Variants in CCDC183 observed in about 807,000 individuals in gnomAD.
CCDC183 encodes the protein coiled-coil domain containing 183.
Under a neutral mutation model 65.2 loss-of-function variants are expected in CCDC183, and 63 were observed. The observed-to-expected ratio is 0.97, with a 90% CI of 0.79 to 1.19. The LOEUF is 1.19. Ranked by LOEUF, CCDC183 falls within the 50% of genes most tolerant of loss-of-function variation. The pLI, the probability that CCDC183 is intolerant of heterozygous loss-of-function variation, is 0.00. For missense variants in CCDC183, 769 were observed against 689.3 expected, an observed-to-expected ratio of 1.12 and a Z score of -1.30; for synonymous variants, 323 against 276.5, an observed-to-expected ratio of 1.17 and a Z score of -1.67.
chr9:136,805,399 C>G lies in CCDC183; in HGVS notation c.890C>G (p.Ser297Trp). Reference protein sequence around the residue: ...ETSTAEMEYQSGVTAVVEKVK... With the variant: ...ETSTAEMEYQWGVTAVVEKVK... Reference sequence around the variant, plus strand: ...TCCACAGCAGAAATGGAATACCAGTCGGGCGTGACTGCTGTGGTGGAGAAG... The same window carrying G: ...TCCACAGCAGAAATGGAATACCAGTGGGGCGTGACTGCTGTGGTGGAGAAG... The change falls in exon 9 of 14, where the codon TCG becomes TGG. Residue 297 changes from serine (S) to tryptophan (W), a missense_variant. Transcript: ENST00000338005. 6.2e-7 allele frequency: 1 copy of G among 1,613,986 alleles called. No homozygotes were observed. The highest frequency in any genetic ancestry group is 8.5e-7 in the Non-Finnish European group (1 of 1,179,968).
At chr9:136,802,595 G>T (rs896258993) in intron 5 of CCDC183, 69 bp from the exon 6 acceptor site, 1 of 1,538,640 alleles carries the variant, frequency 6.5e-7, no homozygotes, top group Non-Finnish European at 8.7e-7. Context: ...GCTCTTAGTC[G>T]GGGGATAAAA....
intron 5 of CCDC183, among the ~76,000 whole-genome samples, 197 bp from the exon 6 acceptor site, chr9:136,802,467 G>A (rs1423037413): frequency 6.6e-6 from 1 of 152,214 alleles, no homozygotes; most frequent in Non-Finnish European, 1.5e-5. Flanking sequence ...GGTGGTGAAA[G>A]AGTCCACCAG....
At chr9:136,805,977 C>T in intron 9 of CCDC183, 101 bp from the exon 10 acceptor site, 1 of 906,872 alleles carries the variant, frequency 1.1e-6, no homozygotes, top group Non-Finnish European at 1.6e-6. Context: ...AGAGAAAGTG[C>T]ACTAGCGTCT....
At chr9:136,799,439 C>A in intron 2 of CCDC183, 1 of 825,106 alleles carries the variant, frequency 1.2e-6, no homozygotes, top group Non-Finnish European at 1.8e-6. Flanking sequence ...GAGGGCTTGG[C>A]ATCTGTGAGC....
intron 5 of CCDC183, 124 bp downstream of exon 5, chr9:136,800,617 C>A (rs759741670): frequency 1.5e-6 from 1 of 671,270 alleles, no homozygotes; most frequent in African/African-American, 1.8e-5. Flanking sequence ...CCACCGGCTA[C>A]GCAGGACGCC....
chr9:136,803,905 G>A (rs1029805611), intron 6 of CCDC183: 12 of 155,494 alleles, frequency 7.7e-5, no homozygotes, highest in Admixed American at 7.7e-4. Flanking sequence ...AGGAGGTGGA[G>A]GAAAGATGTG....
Position 136,800,157 on chromosome 9 carries a change from G to C in CCDC183, c.426G>C (p.Leu142=), listed in dbSNP as rs983896333. Residue 142 remains leucine, a synonymous_variant, in exon 4 of 14, where the codon CTG becomes CTC. Transcript: ENST00000338005. ...RSQPDASKEE[L]RLLQIIRQLE... Reference sequence around the variant, plus strand: ...AGCCCGACGCCAGCAAGGAGGAGCTGCGGCTGCTGCAGGTGGAGAGGCGGG... The same window carrying C: ...AGCCCGACGCCAGCAAGGAGGAGCTCCGGCTGCTGCAGGTGGAGAGGCGGG... 3.3e-6 allele frequency: 5 copies of C among 1,534,724 alleles called. No homozygotes were observed. In the Admixed American group the frequency reaches 5.9e-5, roughly 18 times the overall value.
intron 1 of CCDC183, among the ~76,000 whole-genome samples, chr9:136,798,857 T>C (rs955652630): frequency 2.6e-5 from 4 of 152,134 alleles, no homozygotes; most frequent in Non-Finnish European, 5.9e-5. Flanking sequence ...TCCCTCTCCT[T>C]TGCCTCACCC....
intron 10 of CCDC183, 105 bp downstream of exon 10, chr9:136,806,343 G>A (rs562416710): frequency 7.5e-5 from 106 of 1,404,424 alleles, no homozygotes; most frequent in Non-Finnish European, 9.8e-5. Context: ...CAACAAGCCT[G>A]TGTGTCCCAC....
chr9:136,797,919 C>T (rs1424355714), intron 1 of CCDC183, among the ~76,000 whole-genome samples: 5 of 152,230 alleles, frequency 3.3e-5, no homozygotes, highest in Admixed American at 2.6e-4. Flanking sequence ...CTCCCGGGTT[C>T]GAGCGATTCT....
In CCDC183 at chr9:136,806,637, G is replaced by C; in HGVS notation, c.1243G>C (p.Val415Leu). 1 of 1,613,752 alleles carries C rather than the reference G, an allele frequency of 6.2e-7. No individual in the cohort carries two copies. Among genetic ancestry groups the C allele is most frequent in the Non-Finnish European group, 8.5e-7 (1 of 1,180,034 alleles). Residue 415 changes from valine to leucine, a missense_variant, in exon 11 of 14, where the codon GTC (valine) becomes CTC (leucine). Coordinates refer to ENST00000338005, the MANE Select transcript of CCDC183 (RefSeq NM_001039374.5). ...TIQMGIDNLYVRLMGINLPAT... is the reference protein window; with the variant it reads ...TIQMGIDNLYLRLMGINLPAT... The stretch of plus-strand genomic sequence containing the variant: ...CCAGATGGGCATCGACAACCTCTAT[G>C]TCCGGCTGATGGGCATTAACTTGCC...
intron 9 of CCDC183, 178 bp from the exon 10 acceptor site, chr9:136,805,900 G>C (rs1371748164): frequency 1.7e-6 from 1 of 604,270 alleles, no homozygotes. Context: ...AAGCTGAGGT[G>C]GGAGGATCGC....
chr9:136,799,769 G>C lies in CCDC183; in HGVS notation c.249G>C (p.Ala83=). ...ACGKNLPLRL[A]HCRSTMEVVR... ...GGAAAAACTTGCCTTTGCGACTGGCGCACTGCCGCAGCACCATGGAGGTAA... is the reference window on the plus strand; with the variant it reads ...GGAAAAACTTGCCTTTGCGACTGGCCCACTGCCGCAGCACCATGGAGGTAA... Residue 83 remains alanine, a synonymous_variant, in exon 3 of 14, where the codon GCG becomes GCC. Coordinates refer to ENST00000338005, the MANE Select transcript of CCDC183 (RefSeq NM_001039374.5). The C allele has an allele frequency of 6.2e-7, 1 of 1,613,038 alleles. No individual in the cohort carries two copies. Among genetic ancestry groups the C allele is most frequent in the Non-Finnish European group, 8.5e-7 (1 of 1,179,836 alleles).
At chr9:136,805,706 A>G (rs879061777) in intron 9 of CCDC183, 8 of 549,730 alleles carry the variant, frequency 1.5e-5, no homozygotes, top group South Asian at 2.3e-5. Context: ...GCCCTGACAC[A>G]AGCTTGTCCA....
Position 136,806,747 on chromosome 9 carries a change from C to A in CCDC183, c.1279-10C>A. 1 of 1,613,470 alleles carries A rather than the reference C, an allele frequency of 6.2e-7. No homozygotes were observed. Among genetic ancestry groups the A allele is most frequent in the Non-Finnish European group, 8.5e-7 (1 of 1,180,000 alleles). Reference sequence around the variant, plus strand: ...CAGAGGGGAGATGAGACCCTCCTCCCGGCCTACAGAGAGAAGTGGTGCTCT... The same window carrying A: ...CAGAGGGGAGATGAGACCCTCCTCCAGGCCTACAGAGAGAAGTGGTGCTCT... On this transcript the variant is annotated splice_polypyrimidine_tract_variant and intron_variant, in intron 11 of 13. Transcript: ENST00000338005.
chr9:136,806,559 C>G lies in CCDC183; in HGVS notation c.1165C>G (p.Leu389Val). The G allele has an allele frequency of 6.2e-7, 1 of 1,613,668 alleles. No individual in the cohort carries two copies. Among genetic ancestry groups the G allele is most frequent in the Middle Eastern group, 1.6e-4 (1 of 6,062 alleles). Residue 389 changes from leucine (L) to valine (V), a missense_variant, in exon 11 of 14, where the codon CTC becomes GTC. Transcript: ENST00000338005. ...CATGCTAAAAGAGGAAGAAGAGAGG[C>G]TCCAGCTGGCGCACAGCAACATGAC... The part of the protein sequence containing the change: ...TDMLKEEEER[L>V]QLAHSNMTKG...
In CCDC183 at chr9:136,807,614, C is replaced by A. The variant is rs780207379; in HGVS notation, c.1529C>A (p.Ser510Ter). Reference protein sequence around the residue: ...FPDMDHSYVPSRAEIKRQAQR... With the variant: ...FPDMDHSYVP ...GACATGGACCACAGCTACGTCCCTT[C>A]GCGCGCCGAGATCAAGAGGCAGGCG... The change falls in exon 14 of 14, where the codon TCG becomes TAG. Residue 510 changes from serine to a stop codon, truncating the protein, a stop_gained. Coordinates refer to ENST00000338005, the MANE Select transcript of CCDC183 (RefSeq NM_001039374.5). LOFTEE classifies it high-confidence loss of function. 1.9e-6 allele frequency: 3 copies of A among 1,605,828 alleles called. No homozygotes were observed. The highest frequency in any genetic ancestry group is 2.7e-5 in the African/African-American group (2 of 74,342).
At position 136,800,445 on chromosome 9, in the gene CCDC183, C is replaced by T. The variant is rs778195132; in HGVS notation, c.495C>T (p.Ser165=). The T allele has an allele frequency of 3.1e-6, 5 of 1,613,122 alleles. No individual in the cohort carries two copies. Among genetic ancestry groups the T allele is most frequent in the Non-Finnish European group, 8.5e-7 (1 of 1,179,612 alleles). ...AGACAATGATCAAGATCATCACCAG[C>T]CAGAACATCCACCTGCTGTATTTGG... is the stretch of plus-strand genomic sequence containing the variant. ...IEKTMIKIIT[S]QNIHLLYLDL... The change falls in exon 5 of 14, where the codon AGC becomes AGT. Residue 165 remains serine, a synonymous_variant. Coordinates refer to ENST00000338005, the MANE Select transcript of CCDC183 (RefSeq NM_001039374.5).
In CCDC183 at chr9:136,806,246, G is replaced by A. The variant is rs1159058528; in HGVS notation, c.1109+8G>A. On this transcript the variant is annotated splice_region_variant and intron_variant, in intron 10 of 13. Transcript: ENST00000338005. ...GAAGCCTAGCTCCATCAGGTGCCCC[G>A]GGCTTCCGGGGCTGCGGGCCACCCA... 8 of 1,584,262 alleles carry A rather than the reference G, an allele frequency of 5.0e-6. No homozygotes were observed. The highest frequency in any genetic ancestry group is 2.3e-5 in the South Asian group (2 of 86,998).
Sources: gnomAD v4.1 joint callset for allele counts (sites outside exome capture counted in the v4.1 genomes callset) on GRCh38, gnomAD v4.1.1 for gene constraint, MANE v1.5 for transcripts, NCBI Gene and HGNC (gene_info 2026-07-23, HGNC 2026-07-21) for gene names.